Variants in RAD51B observed in about 807,000 individuals in gnomAD.
RAD51B encodes RAD51 paralog B.
RAD51B carries 38 observed loss-of-function variants against 42.2 expected under a neutral mutation model. That is an observed-to-expected ratio of 0.90 (90% CI 0.70 to 1.18). The LOEUF is 1.18. RAD51B is among the 50% of genes most tolerant of loss of function. The probability of loss-of-function intolerance (pLI) is 0.00; values close to 1 mark genes in which losing one functional copy is unlikely to be tolerated. For synonymous variants in RAD51B, 154 were observed against 145.2 expected (o/e 1.06, Z -0.43); for missense variants, 373 against 400.7 (o/e 0.93, Z 0.59).
At chr14:67,913,025 C>G (rs997981944) in intron 7 of RAD51B, among the ~76,000 whole-genome samples, 1 of 152,122 alleles carries the variant, frequency 6.6e-6, no homozygotes, top group Non-Finnish European at 1.5e-5. Flanking sequence ...GGTTTTTAAG[C>G]TCCTCCTGAC....
chr14:67,869,490 G>A (rs1335049031), intron 5 of RAD51B, among the ~76,000 whole-genome samples: 1 of 151,798 alleles, frequency 6.6e-6, no homozygotes, highest in Non-Finnish European at 1.5e-5. Context: ...GGGGAGAATG[G>A]AACCAAGTTG....
intron 7 of RAD51B, among the ~76,000 whole-genome samples, chr14:67,950,802 A>AT (rs200099227): frequency 0.025 from 3,821 of 151,508 alleles, 105 homozygotes; most frequent in African/African-American, 0.068. Flanking sequence ...TGGTTATTTC[A>AT]TTTTTTTTCC....
intron 7 of RAD51B, among the ~76,000 whole-genome samples, chr14:68,064,914 A>T (rs924702602): frequency 6.6e-6 from 1 of 151,974 alleles, no homozygotes; most frequent in South Asian, 2.1e-4. Context: ...ATTATTTTGT[A>T]TCTTGCTGAG....
intron 1 of RAD51B, among the ~76,000 whole-genome samples, chr14:67,820,192 G>T (rs1020670224): frequency 3.3e-5 from 5 of 152,154 alleles, no homozygotes; most frequent in African/African-American, 9.7e-5. Context: ...GAAGTTGAGG[G>T]ACTCTCCCAC....
At chr14:68,585,537 AG>A (rs1374380543) in intron 10 of RAD51B, among the ~76,000 whole-genome samples, 1 of 152,174 alleles carries the variant, frequency 6.6e-6, no homozygotes, top group Non-Finnish European at 1.5e-5. Context: ...GGTGGGATAA[AG>A]GGAGCAACAA....
intron 10 of RAD51B, among the ~76,000 whole-genome samples, chr14:68,537,431 G>A (rs1048812620): frequency 3.3e-5 from 5 of 151,970 alleles, no homozygotes; most frequent in Non-Finnish European, 2.9e-5. Flanking sequence ...CCCAGGAGGT[G>A]GAGCTTGCAG....
intron 5 of RAD51B, among the ~76,000 whole-genome samples, chr14:67,879,467 G>A (rs915542742): frequency 4.6e-5 from 7 of 151,726 alleles, no homozygotes; most frequent in African/African-American, 1.7e-4. Context: ...TTAAGAGACA[G>A]GGCCTCGCTC....
chr14:68,213,341 T>G, intron 7 of RAD51B, among the ~76,000 whole-genome samples: 1 of 152,168 alleles, frequency 6.6e-6, no homozygotes, highest in Non-Finnish European at 1.5e-5. Flanking sequence ...GGCACAGATA[T>G]GCTAAGTCAT....
chr14:67,835,042 T>G (rs372976476), intron 3 of RAD51B, 38 bp from the exon 4 acceptor site: 124 of 1,453,596 alleles, frequency 8.5e-5, no homozygotes, highest in Non-Finnish European at 1.2e-4. Context: ...TGAATATATA[T>G]AGAGGTTGAA....
At chr14:68,085,907 C>T (rs1182341187) in intron 7 of RAD51B, among the ~76,000 whole-genome samples, 1 of 152,110 alleles carries the variant, frequency 6.6e-6, no homozygotes, top group Admixed American at 6.5e-5. Flanking sequence ...GGGCTCTGAC[C>T]CCATGGCAGC....
chr14:68,529,715 C>G (rs1165935346), intron 10 of RAD51B, among the ~76,000 whole-genome samples: 5 of 152,158 alleles, frequency 3.3e-5, no homozygotes, highest in African/African-American at 1.2e-4. Flanking sequence ...ACCTTACTCT[C>G]TAAATTAGTA....
chr14:68,443,318 A>C (rs2085345745), intron 9 of RAD51B, among the ~76,000 whole-genome samples: 2 of 152,078 alleles, frequency 1.3e-5, no homozygotes, highest in African/African-American at 4.8e-5. Context: ...CTATTTTTTG[A>C]ACGAGTGTCT....
chr14:67,854,489 C>G (rs2041921245), intron 4 of RAD51B, among the ~76,000 whole-genome samples: 2 of 150,280 alleles, frequency 1.3e-5, no homozygotes, highest in Admixed American at 1.3e-4. Context: ...CAAAAATTAG[C>G]TGGGTGTGGT....
chr14:68,421,165 C>T (rs2084689784), intron 9 of RAD51B, among the ~76,000 whole-genome samples: 2 of 152,154 alleles, frequency 1.3e-5, no homozygotes, highest in Non-Finnish European at 2.9e-5. Context: ...CTTTGAAATA[C>T]TCCTGGCATT....
downstream of RAD51B, among the ~76,000 whole-genome samples, chr14:68,614,434 T>C (rs1891784143): frequency 6.6e-6 from 1 of 152,224 alleles, no homozygotes; most frequent in Non-Finnish European, 1.5e-5. Context: ...TTCACAAAAT[T>C]GTGCAATTAT....
intron 8 of RAD51B, among the ~76,000 whole-genome samples, chr14:68,298,616 A>C (rs141596870): frequency 9.7e-4 from 147 of 152,322 alleles, no homozygotes; most frequent in African/African-American, 3.4e-3. Flanking sequence ...TTAAGGTCTC[A>C]ATGTCAAGAA....
At chr14:68,307,439 C>G (rs143430702) in intron 8 of RAD51B, among the ~76,000 whole-genome samples, 119 of 152,272 alleles carry the variant, frequency 7.8e-4, no homozygotes, top group African/African-American at 2.8e-3. Flanking sequence ...TTAATATCTC[C>G]TGAATTGAAT....
intron 9 of RAD51B, among the ~76,000 whole-genome samples, chr14:68,415,734 G>A (rs1328010129): frequency 6.6e-6 from 1 of 152,186 alleles, no homozygotes; most frequent in African/African-American, 2.4e-5. Context: ...AAAAGCTAGA[G>A]TAAGGCTGGT....
chr14:68,424,670 A>C (rs562787233), intron 9 of RAD51B, among the ~76,000 whole-genome samples: 1 of 152,274 alleles, frequency 6.6e-6, no homozygotes, highest in Admixed American at 6.5e-5. Context: ...AGATTTGCTA[A>C]AAGATCCCCA....
Sources: gnomAD v4.1 joint callset for allele counts (sites outside exome capture counted in the v4.1 genomes callset) on GRCh38, gnomAD v4.1.1 for gene constraint, MANE v1.5 for transcripts, NCBI Gene and HGNC (gene_info 2026-07-23, HGNC 2026-07-21) for gene names.